The following DDX60 variants were observed in gnomAD, a reference collection of about 807,000 sequenced individuals.
DDX60 encodes the protein DExD/H-box helicase 60, also known as probable ATP-dependent RNA helicase DDX60.
In DDX60, 165 loss-of-function variants were observed where a neutral mutation model predicts 212.8. The ratio of observed to expected loss-of-function variants is 0.78; its 90% CI spans 0.68 to 0.88. The LOEUF (loss-of-function observed/expected upper bound fraction) is 0.88. Among genes scored for constraint, DDX60 ranks in the 40% least tolerant of loss-of-function variants. The probability of loss-of-function intolerance (pLI) is 0.00; values close to 1 mark genes in which losing one functional copy is unlikely to be tolerated. For missense variants in DDX60, 1,905 were observed against 2,003.9 expected, an observed-to-expected ratio of 0.95 and a Z score of 0.94; for synonymous variants, 703 against 685.3, an observed-to-expected ratio of 1.03 and a Z score of -0.40.
intron 6 of DDX60, among the ~76,000 whole-genome samples, chr4:168,300,580 A>ATGTGTGTGTGT (rs372668894): frequency 6.8e-5 from 10 of 146,310 alleles, no homozygotes; most frequent in African/African-American, 2.5e-4. Flanking sequence ...TAACACCAGA[A>ATGTGTGTGTGT]TGTGTGTGTG....
upstream of DDX60, among the ~76,000 whole-genome samples, chr4:168,320,124 G>A (rs760836748): frequency 1.6e-4 from 24 of 152,150 alleles, no homozygotes; most frequent in Non-Finnish European, 3.2e-4. Context: ...GGGGTAGGCT[G>A]AATAATACCC....
At chr4:168,218,984 A>G (rs1429395031) in intron 37 of DDX60, among the ~76,000 whole-genome samples, 2 of 152,082 alleles carry the variant, frequency 1.3e-5, no homozygotes, top group Admixed American at 6.6e-5. Flanking sequence ...AGGTATATCA[A>G]TTTAATGATC....
chr4:168,223,164 A>C (rs1733123244), intron 35 of DDX60, among the ~76,000 whole-genome samples: 1 of 152,096 alleles, frequency 6.6e-6, no homozygotes, highest in South Asian at 2.1e-4. Flanking sequence ...GGAGACAAGA[A>C]AATGAAACGT....
chr4:168,244,480 A>G (rs1169298494), intron 30 of DDX60, among the ~76,000 whole-genome samples: 5 of 152,198 alleles, frequency 3.3e-5, no homozygotes, highest in African/African-American at 1.2e-4. Flanking sequence ...TAATCCCAGT[A>G]CTTTGGGAGG....
chr4:168,282,058 T>TA (rs1404705999), intron 13 of DDX60, among the ~76,000 whole-genome samples: 1 of 152,106 alleles, frequency 6.6e-6, no homozygotes, highest in East Asian at 1.9e-4. Flanking sequence ...TCACCCATAA[T>TA]AAAAAAGTAA....
chr4:168,276,129 G>A lies in DDX60; in HGVS notation c.2031C>T (p.His677=). Residue 677 remains histidine, a synonymous_variant, in exon 15 of 38, where the codon CAC becomes CAT. Transcript: ENST00000393743. ...GTTCTGAGTATTTTTCCATCAAGGA[G>A]TGGATCCTTTTCATCACCTGAACAG... ...SIAVQVMKRI[H]SLMEKYSELL... The A allele has an allele frequency of 1.9e-6, 3 of 1,613,470 alleles. No homozygotes were observed. The highest frequency in any genetic ancestry group is 2.5e-6 in the Non-Finnish European group (3 of 1,179,626).
intron 22 of DDX60, among the ~76,000 whole-genome samples, chr4:168,266,122 T>C (rs1734837535): frequency 6.6e-6 from 1 of 152,206 alleles, no homozygotes; most frequent in Non-Finnish European, 1.5e-5. Flanking sequence ...TTGTTTGAGA[T>C]TGTATCCTGG....
chr4:168,294,412 G>GA (rs1736250244), intron 6 of DDX60, among the ~76,000 whole-genome samples: 1 of 152,140 alleles, frequency 6.6e-6, no homozygotes, highest in Admixed American at 6.5e-5. Context: ...AGCCAAATGG[G>GA]ATGGCATCAA....
intron 22 of DDX60, among the ~76,000 whole-genome samples, chr4:168,264,797 C>T (rs999576882): frequency 2.0e-5 from 3 of 152,158 alleles, no homozygotes; most frequent in Non-Finnish European, 4.4e-5. Flanking sequence ...TGCCTAAATA[C>T]TGGGGATCCA....
At chr4:168,219,690 C>T (rs563967912) in intron 37 of DDX60, among the ~76,000 whole-genome samples, 17 of 152,148 alleles carry the variant, frequency 1.1e-4, no homozygotes, top group African/African-American at 3.9e-4. Context: ...AGGGATAGGA[C>T]GAAGCAACAC....
At chr4:168,287,232 T>G (rs771128682) in intron 9 of DDX60, 29 bp from the exon 10 acceptor site, 10 of 1,570,030 alleles carry the variant, frequency 6.4e-6, no homozygotes, top group Non-Finnish European at 8.7e-6. Flanking sequence ...CACTAAATAC[T>G]AGAAGCCATC....
At chr4:168,285,969 TGAAA>T (rs149956197) in intron 10 of DDX60, among the ~76,000 whole-genome samples, 3,948 of 110,894 alleles carry the variant, frequency 0.036, 160 homozygotes, top group East Asian at 0.11. Flanking sequence ...AAGGAAAGAA[TGAAA>T]GAAAGAAAGA....
At position 168,221,727 on chromosome 4, in the gene DDX60, T is replaced by C. The variant is rs763678973; in HGVS notation, c.4976+3A>G. 1 of 1,604,278 alleles carries C rather than the reference T, an allele frequency of 6.2e-7. No individual in the cohort carries two copies. Among genetic ancestry groups the C allele is most frequent in the South Asian group, 1.1e-5 (1 of 90,206 alleles). On this transcript the variant is annotated splice_donor_region_variant and intron_variant, in intron 36 of 37. Transcript: ENST00000393743. Reference sequence around the variant, plus strand: ...GAAACAGAGACAGACAGAGAGGACATACCTGTTATCCTGGACTAATCCTAT... The same window carrying C: ...GAAACAGAGACAGACAGAGAGGACACACCTGTTATCCTGGACTAATCCTAT...
chr4:168,223,933 G>A (rs141778346), intron 35 of DDX60, among the ~76,000 whole-genome samples: 1 of 151,964 alleles, frequency 6.6e-6, no homozygotes, highest in Non-Finnish European at 1.5e-5. Context: ...TAGCAGTACT[G>A]AGAAAGTCTG....
Position 168,246,492 on chromosome 4 carries a change from G to A in DDX60, c.4090C>T (p.Leu1364Phe), listed in dbSNP as rs774054777. 1 of 1,614,068 alleles carries A rather than the reference G, an allele frequency of 6.2e-7. No homozygotes were observed. The highest frequency in any genetic ancestry group is 8.5e-7 in the Non-Finnish European group (1 of 1,179,986). The change falls in exon 30 of 38, where the codon CTC becomes TTC. Residue 1364 changes from leucine to phenylalanine, a missense_variant. Physicochemically the swap from Leu to Phe is conservative, Grantham distance 22. Coordinates refer to ENST00000393743, the MANE Select transcript of DDX60 (RefSeq NM_017631.6). Reference protein sequence around the residue: ...NVPELRGHFPLSITLVLRLML... With the variant: ...NVPELRGHFPFSITLVLRLML... Reference sequence around the variant, plus strand: ...AGTCGCAGGACCAGGGTTATGCTGAGAGGGAAGTGTCCTCTCAGCTCAGGA... The same window carrying A: ...AGTCGCAGGACCAGGGTTATGCTGAAAGGGAAGTGTCCTCTCAGCTCAGGA...
At chr4:168,290,470 A>G (rs760025628) in intron 8 of DDX60, among the ~76,000 whole-genome samples, 2 of 151,442 alleles carry the variant, frequency 1.3e-5, no homozygotes, top group South Asian at 2.1e-4. Context: ...CTGGGACTAC[A>G]GGTGCCTACC....
At chr4:168,246,816 C>T (rs12511869) in intron 29 of DDX60, among the ~76,000 whole-genome samples, 198 bp from the exon 30 acceptor site, 8,859 of 152,202 alleles carry the variant, frequency 0.058, 447 homozygotes, top group East Asian at 0.15. Context: ...ACTGAGACAT[C>T]TGTCATCATT....
rs554490319 is a variant in DDX60, at chr4:168,300,269, C to T, written c.723+2031G>A. On this transcript the variant is annotated intron_variant, in intron 6 of 37. Coordinates refer to ENST00000393743, the MANE Select transcript of DDX60 (RefSeq NM_017631.6). ...AGCAAATAGAAGCTACGGCTGGGTG[C>T]GGTGGCTCACACCTGTAATCCCAAC... Among the ~76,000 whole-genome samples the T allele has an allele frequency of 2.6e-5, 4 of 152,100 alleles. No individual in the cohort carries two copies. The East Asian group carries it at 7.8e-4, about 30-fold the overall frequency.
Position 168,267,956 on chromosome 4 carries a change from C to T in DDX60, c.2814G>A (p.Trp938Ter). ...TTTCAATTATTTTGTCTTCTTGTTT[C>T]CAGTACCATTTTACCGATTGTAGCC... ...TEWLQSVKWYWKQEDKIIENN... is the reference protein window; with the variant it reads ...TEWLQSVKWY Residue 938 changes from tryptophan (W) to a stop codon, truncating the protein, a stop_gained, in exon 21 of 38, where the codon TGG becomes TGA. Transcript: ENST00000393743. LOFTEE classifies it high-confidence loss of function. 6.2e-7 allele frequency: 1 copy of T among 1,612,296 alleles called. No individual in the cohort carries two copies. The highest frequency in any genetic ancestry group is 8.5e-7 in the Non-Finnish European group (1 of 1,179,064).
Sources: gnomAD v4.1 joint callset for allele counts (sites outside exome capture counted in the v4.1 genomes callset) on GRCh38, gnomAD v4.1.1 for gene constraint, MANE v1.5 for transcripts, NCBI Gene and HGNC (gene_info 2026-07-23, HGNC 2026-07-21) for gene names.